CSMD3: variants seen among roughly 807,000 people sequenced by gnomAD.
CSMD3 encodes CUB and Sushi multiple domains 3, also known as CUB and sushi domain-containing protein 3.
A neutral mutation model predicts 435.2 loss-of-function variants in CSMD3; 177 were observed. The ratio of observed to expected loss-of-function variants is 0.41; its 90% CI spans 0.36 to 0.46. CSMD3 has a LOEUF of 0.46. Ranked by LOEUF, CSMD3 falls within the 20% of genes least tolerant of loss-of-function variation. The pLI is 0.34. For missense variants in CSMD3, 4,265 were observed against 4,504.6 expected (o/e 0.95, Z 1.52); for synonymous variants, 1,656 against 1,520.5 (o/e 1.09, Z -2.07).
At chr8:112,903,167 A>G (rs796142593) in intron 10 of CSMD3, among the ~76,000 whole-genome samples, 52 of 148,104 alleles carry the variant, frequency 3.5e-4, no homozygotes, top group East Asian at 9.8e-4. Context: ...AAAAAAAAAA[A>G]AAAAAAAAGA....
intron 13 of CSMD3, among the ~76,000 whole-genome samples, chr8:112,699,183 C>T (rs962202469): frequency 6.6e-6 from 1 of 152,106 alleles, no homozygotes; most frequent in Admixed American, 6.6e-5. Flanking sequence ...CTTGCTGCTG[C>T]TCACTCTTCG....
intron 12 of CSMD3, among the ~76,000 whole-genome samples, chr8:112,810,122 A>G (rs1230890760): frequency 2.6e-5 from 4 of 152,156 alleles, no homozygotes; most frequent in African/African-American, 4.8e-5. Flanking sequence ...AGTTTTAGGA[A>G]AAGTCTTGTT....
chr8:112,618,175 A>C (rs1292898339), intron 22 of CSMD3, among the ~76,000 whole-genome samples: 1 of 152,132 alleles, frequency 6.6e-6, no homozygotes, highest in African/African-American at 2.4e-5. Flanking sequence ...AGTAAGATTT[A>C]GTGTGATTCA....
intron 16 of CSMD3, among the ~76,000 whole-genome samples, chr8:112,681,565 G>A (rs552140419): frequency 6.6e-6 from 1 of 151,772 alleles, no homozygotes; most frequent in African/African-American, 2.4e-5. Context: ...TTTCATATGA[G>A]TGTATATATA....
chr8:113,418,425 CAGTAAAATATAT>C (rs1170747093), intron 1 of CSMD3, among the ~76,000 whole-genome samples: 1 of 151,940 alleles, frequency 6.6e-6, no homozygotes, highest in Non-Finnish European at 1.5e-5. Context: ...TGCAGCGTGG[CAGTAAAATATAT>C]AGTTGGAGTG....
chr8:113,345,612 T>G (rs2094146440), intron 1 of CSMD3, among the ~76,000 whole-genome samples: 1 of 152,202 alleles, frequency 6.6e-6, no homozygotes, highest in Non-Finnish European at 1.5e-5. Flanking sequence ...TTACTCAAGG[T>G]AAATTTGTCA....
chr8:113,011,825 A>G (rs1020208047), intron 6 of CSMD3, among the ~76,000 whole-genome samples: 2 of 151,840 alleles, frequency 1.3e-5, no homozygotes. Context: ...CAGACCAATG[A>G]TTATTTAGAT....
chr8:112,283,259 A>AT (rs1011715741), intron 58 of CSMD3, among the ~76,000 whole-genome samples: 22 of 151,120 alleles, frequency 1.5e-4, no homozygotes, highest in African/African-American at 2.9e-4. Flanking sequence ...TGTAAATTGA[A>AT]TTTTTTTTTG....
intron 12 of CSMD3, among the ~76,000 whole-genome samples, chr8:112,805,451 T>C (rs2079062298): frequency 6.6e-6 from 1 of 152,094 alleles, no homozygotes; most frequent in Non-Finnish European, 1.5e-5. Flanking sequence ...AAGGCTCTAC[T>C]AGAAGAAATA....
At chr8:113,142,855 G>C (rs1715841130) in intron 4 of CSMD3, among the ~76,000 whole-genome samples, 1 of 119,334 alleles carries the variant, frequency 8.4e-6, no homozygotes, top group Non-Finnish European at 1.7e-5. Flanking sequence ...ATTATCTTCT[G>C]AACTCCTTAA....
intron 27 of CSMD3, among the ~76,000 whole-genome samples, chr8:112,523,389 A>C (rs1356746185): frequency 3.3e-5 from 5 of 151,980 alleles, no homozygotes; most frequent in Non-Finnish European, 5.9e-5. Context: ...GAAATGAAAA[A>C]ACACAAGTAC....
chr8:112,275,393 C>G (rs2130519407), intron 59 of CSMD3, among the ~76,000 whole-genome samples: 1 of 151,872 alleles, frequency 6.6e-6, no homozygotes, highest in African/African-American at 2.4e-5. Context: ...ACTAAAAATA[C>G]AAAATTAGCC....
intron 5 of CSMD3, among the ~76,000 whole-genome samples, chr8:113,025,436 G>T (rs907368168): frequency 6.6e-6 from 1 of 152,072 alleles, no homozygotes; most frequent in Admixed American, 6.6e-5. Context: ...CGGTAATAAT[G>T]GCCACCATGA....
intron 4 of CSMD3, among the ~76,000 whole-genome samples, chr8:113,121,070 C>A: frequency 6.6e-6 from 1 of 152,090 alleles, no homozygotes; most frequent in East Asian, 1.9e-4. Context: ...ACAGTGCTAA[C>A]ATTTGCATAA....
intron 5 of CSMD3, among the ~76,000 whole-genome samples, chr8:113,054,612 C>T (rs1420038551): frequency 6.6e-6 from 1 of 152,088 alleles, no homozygotes; most frequent in East Asian, 1.9e-4. Flanking sequence ...TAGTTTTCTC[C>T]TGAATCATTC....
At chr8:113,106,266 G>T (rs1390199200) in intron 4 of CSMD3, among the ~76,000 whole-genome samples, 2 of 151,678 alleles carry the variant, frequency 1.3e-5, no homozygotes, top group African/African-American at 4.8e-5. Context: ...GAAAGAAAGG[G>T]AAGATATGAA....
chr8:112,672,965 C>A (rs565534742), intron 16 of CSMD3, among the ~76,000 whole-genome samples: 1 of 152,186 alleles, frequency 6.6e-6, no homozygotes, highest in East Asian at 1.9e-4. Context: ...GCTCTTCCAT[C>A]TGAGAAGTGG....
chr8:112,797,837 C>CA (rs1036623130), intron 13 of CSMD3, among the ~76,000 whole-genome samples: 2 of 151,324 alleles, frequency 1.3e-5, no homozygotes, highest in African/African-American at 4.8e-5. Flanking sequence ...TTTCACAGTA[C>CA]AAAAAAAATC....
Position 112,251,260 on chromosome 8 carries a change from T to C in CSMD3, c.10110+2993A>G, listed in dbSNP as rs569225705. Among the ~76,000 whole-genome samples the C allele has an allele frequency of 3.3e-5, 5 of 151,850 alleles. No individual in the cohort carries two copies. The South Asian group carries it at 1.0e-3, about 31-fold the overall frequency. Reference sequence around the variant, plus strand: ...AAATTTACGTTTTTCATTATGTATTTATACAAAACATTTTACTCAAGAAAA... The same window carrying C: ...AAATTTACGTTTTTCATTATGTATTCATACAAAACATTTTACTCAAGAAAA... On this transcript the variant is annotated intron_variant, in intron 63 of 70. Transcript: ENST00000297405.
Sources: allele counts gnomAD v4.1 joint callset (sites outside exome capture counted in the v4.1 genomes callset), GRCh38; gene constraint gnomAD v4.1.1; transcripts MANE v1.5; gene names NCBI Gene and HGNC (gene_info 2026-07-23, HGNC 2026-07-21).